EYS: variants seen among roughly 807,000 people sequenced by gnomAD.
The protein encoded by EYS is EGF-like photoreceptor maintenance factor.
In EYS, 250 loss-of-function variants were observed where a neutral mutation model predicts 282.1. The ratio of observed to expected loss-of-function variants is 0.89; its 90% confidence interval spans 0.80 to 0.98. EYS has a LOEUF of 0.98. EYS is among the 50% of genes least tolerant of loss of function. The pLI is 0.00. For missense variants in EYS, 4,016 were observed against 3,709.0 expected (o/e 1.08, Z -2.15); for synonymous variants, 1,355 against 1,282.9 (o/e 1.06, Z -1.20).
chr6:63,851,153 G>C (rs1772239659), intron 36 of EYS, among the ~76,000 whole-genome samples: 1 of 152,166 alleles, frequency 6.6e-6, no homozygotes, highest in African/African-American at 2.4e-5. Context: ...ACCCAATACA[G>C]GATCATCCAG....
At chr6:64,975,777 C>T (rs924939642) in intron 14 of EYS, among the ~76,000 whole-genome samples, 2 of 151,688 alleles carry the variant, frequency 1.3e-5, no homozygotes, top group African/African-American at 4.8e-5. Flanking sequence ...GGTAAGCAAA[C>T]ATTATCATTT....
chr6:64,755,527 C>G (rs1772908183), intron 22 of EYS, among the ~76,000 whole-genome samples: 1 of 151,700 alleles, frequency 6.6e-6, no homozygotes, highest in Non-Finnish European at 1.5e-5. Flanking sequence ...CACACACACA[C>G]ACACACACAC....
rs1315939 is a variant in EYS, at chr6:65,205,023, A to T, written c.2023+90840T>A. Among the ~76,000 whole-genome samples the T allele has an allele frequency of 1.4e-3, 125 of 89,152 alleles. 3 individuals are homozygous for T. The highest frequency in any genetic ancestry group is 5.3e-3 in the African/African-American group (109 of 20,680). The allele number at this position is 89,152 out of a possible 152,430, so 58.5% of individuals were successfully genotyped here. On this transcript the variant is annotated intron_variant, in intron 12 of 42. Transcript: ENST00000503581. ...CTAGAAGAATATATTTATATATTCT[A>T]GAAGAATATATTTATATATTCTAGA...
chr6:65,173,363 T>A (rs1167961216), intron 12 of EYS, among the ~76,000 whole-genome samples: 1 of 151,448 alleles, frequency 6.6e-6, no homozygotes, highest in East Asian at 2.0e-4. Context: ...ACTGTAAATC[T>A]ACTAACCTCT....
intron 12 of EYS, among the ~76,000 whole-genome samples, chr6:65,206,149 CA>C (rs1423079213): frequency 2.0e-5 from 3 of 150,856 alleles, no homozygotes; most frequent in Admixed American, 1.3e-4. Context: ...ATAGTTTAAC[CA>C]AAAAAAGACA....
intron 2 of EYS, among the ~76,000 whole-genome samples, chr6:65,523,539 G>C (rs1767448418): frequency 6.6e-6 from 1 of 152,060 alleles, no homozygotes; most frequent in African/African-American, 2.4e-5. Context: ...GGGAAAATGG[G>C]GAAATTTTGG....
intron 22 of EYS, among the ~76,000 whole-genome samples, chr6:64,643,122 C>CAAA (rs1554188071): frequency 0.44 from 64,081 of 146,584 alleles, 14,217 homozygotes; most frequent in Admixed American, 0.52. Flanking sequence ...TCCCCCCCCC[C>CAAA]AAAAAAAAAC....
At chr6:64,456,476 C>A (rs1225114839) in intron 26 of EYS, among the ~76,000 whole-genome samples, 1 of 151,930 alleles carries the variant, frequency 6.6e-6, no homozygotes, top group Non-Finnish European at 1.5e-5. Context: ...TATATGGGAT[C>A]TTGAAGAAAT....
In EYS at chr6:65,344,813, A is replaced by C. The variant is rs187547536; in HGVS notation, c.1460-636T>G. ...AGGAGTTAATTAAACTGGGCTGAAA[A>C]CCCATTATTGGTCATTAATAGTGGT... is the stretch of plus-strand genomic sequence containing the variant. On this transcript the variant is annotated intron_variant, in intron 9 of 42. Coordinates refer to ENST00000503581, the MANE Select transcript of EYS (RefSeq NM_001142800.2). Among the ~76,000 whole-genome samples the C allele has an allele frequency of 2.0e-4, 30 of 151,706 alleles. 1 individual carries two copies. The highest frequency in any genetic ancestry group is 6.5e-4 in the African/African-American group (27 of 41,464).
At chr6:65,527,930 T>TTCAA (rs1463329022) in intron 2 of EYS, among the ~76,000 whole-genome samples, 2 of 152,168 alleles carry the variant, frequency 1.3e-5, no homozygotes, top group Non-Finnish European at 2.9e-5. Flanking sequence ...AAGGAGTTGG[T>TTCAA]TCAATAGGCT....
At chr6:65,625,007 C>T (rs1426357539) in intron 2 of EYS, among the ~76,000 whole-genome samples, 1 of 151,992 alleles carries the variant, frequency 6.6e-6, no homozygotes, top group Non-Finnish European at 1.5e-5. Context: ...TCTAGTGAGC[C>T]CTGAATAATA....
intron 5 of EYS, among the ~76,000 whole-genome samples, chr6:65,422,664 G>A (rs1343963775): frequency 2.6e-5 from 4 of 151,720 alleles, no homozygotes; most frequent in Non-Finnish European, 5.9e-5. Flanking sequence ...AGAGTAATGT[G>A]TTCATATGAA....
intron 33 of EYS, among the ~76,000 whole-genome samples, chr6:64,026,568 T>C (rs1191167105): frequency 6.6e-6 from 1 of 152,158 alleles, no homozygotes; most frequent in Admixed American, 6.5e-5. Flanking sequence ...TTTCTGTAAG[T>C]GGGAAGGCAA....
At chr6:65,063,927 C>T (rs779874632) in intron 12 of EYS, among the ~76,000 whole-genome samples, 8 of 151,550 alleles carry the variant, frequency 5.3e-5, no homozygotes, top group Non-Finnish European at 1.2e-4. Flanking sequence ...ACTGGACATA[C>T]TCATTTGGAT....
intron 16 of EYS, among the ~76,000 whole-genome samples, chr6:64,911,512 TTAAC>T (rs1336186616): frequency 3.3e-5 from 5 of 152,156 alleles, no homozygotes; most frequent in African/African-American, 9.7e-5. Flanking sequence ...AGATGTCTGT[TTAAC>T]TAATGTCATC....
chr6:65,205,185 T>C (rs1417078563), intron 12 of EYS, among the ~76,000 whole-genome samples: 1 of 150,264 alleles, frequency 6.7e-6, no homozygotes, highest in Non-Finnish European at 1.5e-5. Flanking sequence ...TAGACACATA[T>C]ATACTCAAAG....
chr6:64,255,028 A>G (rs971447435), intron 30 of EYS, among the ~76,000 whole-genome samples: 1 of 152,140 alleles, frequency 6.6e-6, no homozygotes, highest in Non-Finnish European at 1.5e-5. Flanking sequence ...TTTGTGAAAA[A>G]TTAAGCACAA....
At chr6:64,428,371 G>A (rs1774475467) in intron 28 of EYS, among the ~76,000 whole-genome samples, 2 of 151,948 alleles carry the variant, frequency 1.3e-5, no homozygotes, top group African/African-American at 2.4e-5. Context: ...TGACCTCTTG[G>A]CAAAGATAAG....
At chr6:65,267,182 A>C (rs766269698) in intron 12 of EYS, among the ~76,000 whole-genome samples, 4 of 151,854 alleles carry the variant, frequency 2.6e-5, no homozygotes, top group Non-Finnish European at 5.9e-5. Flanking sequence ...ATGCAAGGCT[A>C]TAAAAAAGCT....
Sources: allele counts gnomAD v4.1 joint callset (sites outside exome capture counted in the v4.1 genomes callset), GRCh38; gene constraint gnomAD v4.1.1; transcripts MANE v1.5; gene names NCBI Gene and HGNC (gene_info 2026-07-23, HGNC 2026-07-21).